C18orf54: variants seen among roughly 807,000 people sequenced by gnomAD.
C18orf54 encodes chromosome 18 open reading frame 54.
C18orf54 carries 49 observed loss-of-function variants against 49.3 expected under a neutral mutation model. The ratio of observed to expected loss-of-function variants is 0.99; its 90% CI spans 0.79 to 1.26. The LOEUF is 1.26. C18orf54 is among the 50% of genes most tolerant of loss of function. C18orf54 has a pLI of 0.00. For synonymous variants in C18orf54, 211 were observed against 216.6 expected (o/e 0.97, Z 0.23); for missense variants, 687 against 620.6 (o/e 1.11, Z -1.14).
chr18:54,377,556 T>C (rs965363870), intron 8 of C18orf54, among the ~76,000 whole-genome samples: 1 of 152,206 alleles, frequency 6.6e-6, no homozygotes, highest in African/African-American at 2.4e-5. Context: ...TGAGGAATGA[T>C]TGAGTTTTCT....
chr18:54,372,698 C>T (rs1285182138), intron 7 of C18orf54, 101 bp downstream of exon 7: 1 of 1,098,760 alleles, frequency 9.1e-7, no homozygotes, highest in East Asian at 2.5e-5. Context: ...TGTTAGTAAG[C>T]ATGCCACATT....
At chr18:54,366,411 C>T (rs1327593967) in intron 6 of C18orf54, among the ~76,000 whole-genome samples, 1 of 151,978 alleles carries the variant, frequency 6.6e-6, no homozygotes, top group Non-Finnish European at 1.5e-5. Context: ...GCTTATTTTA[C>T]CTAACATAAT....
At chr18:54,374,347 G>T (rs947236836) in intron 8 of C18orf54, 63 bp downstream of exon 8, 1 of 1,486,284 alleles carries the variant, frequency 6.7e-7, no homozygotes, top group Non-Finnish European at 9.0e-7. Flanking sequence ...CATATGTAAA[G>T]TTACAGGGTA....
At chr18:54,372,402 A>G in intron 6 of C18orf54, 64 bp from the exon 7 acceptor site, 1 of 1,343,338 alleles carries the variant, frequency 7.4e-7, no homozygotes, top group East Asian at 2.6e-5. Flanking sequence ...TTAATACAAA[A>G]TAAAACTCTT....
At chr18:54,376,697 C>T (rs2089577257) in intron 8 of C18orf54, among the ~76,000 whole-genome samples, 1 of 152,170 alleles carries the variant, frequency 6.6e-6, no homozygotes, top group African/African-American at 2.4e-5. Context: ...ATTATTGTCA[C>T]TTAGTCAATG....
At position 54,365,485 on chromosome 18, in the gene C18orf54, G is replaced by A. The variant is rs558336411; in HGVS notation, c.1224-234G>A. The stretch of plus-strand genomic sequence containing the variant: ...TGTTAATATCTTCAGTTTCTTCATA[G>A]TGTTTTCTTAAAGCTTGAAGACAGA... On this transcript the variant is annotated intron_variant, in intron 5 of 8. Transcript: ENST00000620105. Among the ~76,000 whole-genome samples, 148 of 152,050 alleles carry A rather than the reference G, an allele frequency of 9.7e-4. 1 individual carries two copies. Among genetic ancestry groups the A allele is most frequent in the African/African-American group, 3.3e-3 (138 of 41,544 alleles).
chr18:54,362,351 A>G lies in C18orf54; in HGVS notation c.992A>G (p.Glu331Gly). Reference sequence around the variant, plus strand: ...AGTGATGATAAAGAATTAGTTAATGAATACAAATGTGATTTTGAACATAGC... The same window carrying G: ...AGTGATGATAAAGAATTAGTTAATGGATACAAATGTGATTTTGAACATAGC... ...SLSDDKELVN[E>G]YKCDFEHSQC... Residue 331 changes from glutamate (E) to glycine (G), a missense_variant, in exon 4 of 9, where the codon GAA becomes GGA. Physicochemically the swap from Glu to Gly is moderately conservative, Grantham distance 98. Coordinates refer to ENST00000620105, the MANE Select transcript of C18orf54 (RefSeq NM_001288980.2). 1 of 1,535,814 alleles carries G rather than the reference A, an allele frequency of 6.5e-7. No homozygotes were observed. The highest frequency in any genetic ancestry group is 2.4e-5 in the East Asian group (1 of 40,914).
Position 54,362,270 on chromosome 18 carries a change from A to C in C18orf54, c.911A>C (p.Asn304Thr). Reference sequence around the variant, plus strand: ...GCACAAGGAACTTCTCGGCTTATCAATAAATTAGATTGTTTTGAATATGCT... The same window carrying C: ...GCACAAGGAACTTCTCGGCTTATCACTAAATTAGATTGTTTTGAATATGCT... Reference protein sequence around the residue: ...HQAQGTSRLINKLDCFEYAFE... With the variant: ...HQAQGTSRLITKLDCFEYAFE... Residue 304 changes from asparagine (N) to threonine (T), a missense_variant, in exon 4 of 9, where the codon AAT becomes ACT. Asn to Thr is a moderately conservative substitution (Grantham distance 65, BLOSUM62 0). Transcript: ENST00000620105. 1.3e-6 allele frequency: 2 copies of C among 1,536,438 alleles called. No individual in the cohort carries two copies. Among genetic ancestry groups the C allele is most frequent in the South Asian group, 2.4e-5 (2 of 84,062 alleles).
At chr18:54,366,816 T>TA (rs58803532) in intron 6 of C18orf54, among the ~76,000 whole-genome samples, 110,470 of 150,380 alleles carry the variant, frequency 0.73, 41,006 homozygotes, top group African/African-American at 0.86. Flanking sequence ...GAGTGTTTAA[T>TA]AAAAAAAAAG....
At chr18:54,371,236 CAT>C (rs2089481955) in intron 6 of C18orf54, among the ~76,000 whole-genome samples, 1 of 152,180 alleles carries the variant, frequency 6.6e-6, no homozygotes, top group Admixed American at 6.5e-5. Context: ...TAAGAAGAAT[CAT>C]ATGTGTATCT....
rs776255564 is a variant in C18orf54 at position 54,362,355 on chromosome 18, C to A, written c.996C>A (p.Tyr332Ter). 70 of 1,535,628 alleles carry A rather than the reference C, an allele frequency of 4.6e-5. No individual in the cohort carries two copies. Among genetic ancestry groups the A allele is most frequent in the Admixed American group, 3.3e-4 (17 of 50,962 alleles). Residue 332 changes from tyrosine to a stop codon, truncating the protein, a stop_gained, in exon 4 of 9, where the codon TAC becomes TAA. Transcript: ENST00000620105. LOFTEE classifies it high-confidence loss of function. ...ATGATAAAGAATTAGTTAATGAATA[C>A]AAATGTGATTTTGAACATAGCCAGT... ...LSDDKELVNE[Y>*]KCDFEHSQCQ...
At chr18:54,364,635 A>C (rs1006282805) in intron 5 of C18orf54, among the ~76,000 whole-genome samples, 13 of 152,154 alleles carry the variant, frequency 8.5e-5, no homozygotes, top group African/African-American at 2.9e-4. Flanking sequence ...TTTTTTAAAG[A>C]AACTTTTTAT....
chr18:54,367,182 G>A (rs1180170804), intron 6 of C18orf54, among the ~76,000 whole-genome samples: 1 of 152,088 alleles, frequency 6.6e-6, no homozygotes, highest in Non-Finnish European at 1.5e-5. Context: ...AAGTGAGGAC[G>A]TATTCCTGTC....
At position 54,360,874 on chromosome 18, in the gene C18orf54, T is replaced by C; in HGVS notation, c.283+19T>C. 6.3e-7 allele frequency: 1 copy of C among 1,595,986 alleles called. No individual in the cohort carries two copies. The highest frequency in any genetic ancestry group is 8.6e-7 in the Non-Finnish European group (1 of 1,168,940). On this transcript the variant is annotated intron_variant, in intron 3 of 8. Coordinates refer to ENST00000620105, the MANE Select transcript of C18orf54 (RefSeq NM_001288980.2). ...AACAATGGTATGCTTTTATTCTTTG[T>C]TTTCTTTGTGTTCAGATGTTTTGAA...
At chr18:54,363,034 CAT>C in intron 5 of C18orf54, 113 bp downstream of exon 5, 1 of 1,047,214 alleles carries the variant, frequency 9.5e-7, no homozygotes, top group Non-Finnish European at 1.4e-6. Context: ...CTCCATAGAA[CAT>C]AGCTTTGTGT....
At chr18:54,365,081 G>T (rs1012223580) in intron 5 of C18orf54, among the ~76,000 whole-genome samples, 1 of 151,906 alleles carries the variant, frequency 6.6e-6, no homozygotes, top group African/African-American at 2.4e-5. Flanking sequence ...AATGTACTAG[G>T]TACATAGAAA....
rs1419989804 is a variant in C18orf54, at chr18:54,362,248, C to T, written c.889C>T (p.Gln297Ter). The part of the protein sequence containing the change: ...QCSPRHSHQA[Q>*]GTSRLINKLD... ...TTCCCCTAGACATAGTCATCAGGCA[C>T]AAGGAACTTCTCGGCTTATCAATAA... Residue 297 changes from glutamine (Q) to a stop codon, truncating the protein, a stop_gained, in exon 4 of 9, where the codon CAA (glutamine) becomes TAA (stop). Coordinates refer to ENST00000620105, the MANE Select transcript of C18orf54 (RefSeq NM_001288980.2). LOFTEE classifies it high-confidence loss of function. The T allele has an allele frequency of 1.1e-5, 17 of 1,536,330 alleles. No individual in the cohort carries two copies. Among genetic ancestry groups the T allele is most frequent in the Admixed American group, 7.8e-5 (4 of 50,990 alleles).
rs938584674 is a variant in C18orf54, at chr18:54,378,230, G to C, written c.1586G>C (p.Arg529Pro). Residue 529 changes from arginine (R) to proline (P), a missense_variant, in exon 9 of 9, where the codon CGG (arginine) becomes CCG (proline). By Grantham distance (103) the Arg-to-Pro change is moderately radical. Coordinates refer to ENST00000620105, the MANE Select transcript of C18orf54 (RefSeq NM_001288980.2). The part of the protein sequence containing the change: ...RDLVDDTNGE[R>P]SPKM Reference sequence around the variant, plus strand: ...CTGGTTGATGATACGAATGGAGAACGGTCACCGAAAATGTGAAGAGGAAAA... The same window carrying C: ...CTGGTTGATGATACGAATGGAGAACCGTCACCGAAAATGTGAAGAGGAAAA... The C allele has an allele frequency of 6.2e-7, 1 of 1,613,120 alleles. No individual in the cohort carries two copies. The highest frequency in any genetic ancestry group is 1.1e-5 in the South Asian group (1 of 90,974).
chr18:54,359,380 A>G (rs2089214530), intron 2 of C18orf54, among the ~76,000 whole-genome samples: 1 of 152,234 alleles, frequency 6.6e-6, no homozygotes, highest in Non-Finnish European at 1.5e-5. Context: ...TAAATCAATG[A>G]GACGAAACAA....
Sources: allele counts gnomAD v4.1 joint callset (sites outside exome capture counted in the v4.1 genomes callset), GRCh38; gene constraint gnomAD v4.1.1; transcripts MANE v1.5; gene names NCBI Gene and HGNC (gene_info 2026-07-23, HGNC 2026-07-21).